N4BP2: variants seen among roughly 807,000 people sequenced by gnomAD.
N4BP2 encodes the protein NEDD4-binding protein 2.
A neutral mutation model predicts 152.8 loss-of-function variants in N4BP2; 91 were observed. That is an observed-to-expected ratio of 0.60 (90% CI 0.50 to 0.71). The LOEUF is 0.71. Ranked by LOEUF, N4BP2 falls within the 30% of genes least tolerant of loss-of-function variation. N4BP2 has a pLI of 0.00. For synonymous variants in N4BP2, 646 were observed against 705.3 expected, an observed-to-expected ratio of 0.92 and a Z score of 1.33; for missense variants, 1,923 against 2,059.1, an observed-to-expected ratio of 0.93 and a Z score of 1.28.
intron 1 of N4BP2, among the ~76,000 whole-genome samples, chr4:40,071,685 G>A (rs1310523179): frequency 2.0e-5 from 3 of 151,944 alleles, no homozygotes; most frequent in Non-Finnish European, 2.9e-5. Flanking sequence ...TCCTGCCTCA[G>A]CCTCCCGAGT....
intron 2 of N4BP2, among the ~76,000 whole-genome samples, chr4:40,084,515 A>C (rs1022657318): frequency 1.3e-5 from 2 of 150,134 alleles, no homozygotes; most frequent in African/African-American, 2.5e-5. Flanking sequence ...AGCTCACTGC[A>C]ACCTCTGTCT....
Position 40,136,068 on chromosome 4 carries a change from G to A in N4BP2, c.4647-876G>A, listed in dbSNP as rs538692675. ...ATTCTACAGATAATATAGTATCACCGTCAAGATATGACTGAATAATGCAGG... is the reference window on the plus strand; with the variant it reads ...ATTCTACAGATAATATAGTATCACCATCAAGATATGACTGAATAATGCAGG... On this transcript the variant is annotated intron_variant, in intron 13 of 17. Coordinates refer to ENST00000261435, the MANE Select transcript of N4BP2 (RefSeq NM_018177.6). 9.2e-5 allele frequency among the ~76,000 whole-genome samples: 14 copies of A among 152,218 alleles called. No homozygotes were observed. In the South Asian group the frequency reaches 1.9e-3, roughly 20 times the overall value.
At chr4:40,108,872 G>A (rs139976418) in intron 5 of N4BP2, among the ~76,000 whole-genome samples, 484 of 150,188 alleles carry the variant, frequency 3.2e-3, no homozygotes, top group African/African-American at 0.011. Context: ...GCTGGAGTGC[G>A]GTGGCGTGAT....
intron 1 of N4BP2, among the ~76,000 whole-genome samples, chr4:40,072,030 C>G (rs1329555534): frequency 1.3e-5 from 2 of 151,898 alleles, no homozygotes; most frequent in Non-Finnish European, 2.9e-5. Flanking sequence ...GCGTCAGCCT[C>G]CTGAGTAAGC....
chr4:40,168,585 A>G, the N4BP2 span, among the ~76,000 whole-genome samples: 4 of 58,216 alleles, frequency 6.9e-5, no homozygotes, highest in East Asian at 0.013. Context: ...AATGAAATTT[A>G]TGGATTTTAC....
chr4:40,141,843 C>T (rs1219190174), intron 14 of N4BP2, among the ~76,000 whole-genome samples: 1 of 152,160 alleles, frequency 6.6e-6, no homozygotes, highest in Non-Finnish European at 1.5e-5. Flanking sequence ...CCCGGCACCT[C>T]GGGAGGCCGA....
At chr4:40,100,239 T>C (rs1004246582) in intron 3 of N4BP2, 1 of 335,670 alleles carries the variant, frequency 3.0e-6, no homozygotes, top group Non-Finnish European at 6.2e-6. Flanking sequence ...GTGTTCTGAC[T>C]CCAGACCAGA....
intron 2 of N4BP2, among the ~76,000 whole-genome samples, chr4:40,092,008 T>TATATATATATATA (rs1491368293): frequency 1.8e-4 from 5 of 27,206 alleles, no homozygotes; most frequent in Admixed American, 8.6e-4. Flanking sequence ...AAAAAAAAAA[T>TATATATATATATA]TATATATATA....
intron 13 of N4BP2, among the ~76,000 whole-genome samples, chr4:40,134,187 G>T (rs1320539022): frequency 6.6e-6 from 1 of 152,166 alleles, no homozygotes; most frequent in African/African-American, 2.4e-5. Flanking sequence ...ATCTTTAAAA[G>T]TAGTATTCCA....
chr4:40,188,297 A>G, the N4BP2 span, among the ~76,000 whole-genome samples: 2 of 146,748 alleles, frequency 1.4e-5, no homozygotes, highest in African/African-American at 5.1e-5. Flanking sequence ...GCAAAGGTAG[A>G]CTATGGAATC....
In N4BP2 at chr4:40,121,736, G is replaced by A; in HGVS notation, c.3625G>A (p.Val1209Ile). 1 of 1,614,036 alleles carries A rather than the reference G, an allele frequency of 6.2e-7. No homozygotes were observed. Among genetic ancestry groups the A allele is most frequent in the Non-Finnish European group, 8.5e-7 (1 of 1,179,990 alleles). Residue 1209 changes from valine to isoleucine, a missense_variant, in exon 9 of 18, where the codon GTC becomes ATC. Physicochemically the swap from Val to Ile is conservative, Grantham distance 29. Coordinates refer to ENST00000261435, the MANE Select transcript of N4BP2 (RefSeq NM_018177.6). ...CTCAGAGCAGGCGGAAATGAGAGCT[G>A]TCACTCCTGAAAACCATGAATCGAT... ...GNSEQAEMRA[V>I]TPENHESMTS...
At chr4:40,144,189 G>A (rs889817570) in intron 15 of N4BP2, among the ~76,000 whole-genome samples, 2 of 152,174 alleles carry the variant, frequency 1.3e-5, no homozygotes, top group Non-Finnish European at 2.9e-5. Context: ...CTGCCCACAT[G>A]GTTGGTGCCT....
intron 1 of N4BP2, among the ~76,000 whole-genome samples, chr4:40,058,059 C>T (rs1325663833): frequency 6.6e-6 from 1 of 152,126 alleles, no homozygotes; most frequent in Non-Finnish European, 1.5e-5. Flanking sequence ...GTAAAGGTGG[C>T]CATTGGTTGA....
chr4:40,086,080 G>C (rs910877290), intron 2 of N4BP2, among the ~76,000 whole-genome samples: 1 of 150,198 alleles, frequency 6.7e-6, no homozygotes, highest in African/African-American at 2.4e-5. Flanking sequence ...CGATCCTCCT[G>C]CCTCAGCTCC....
chr4:40,095,826 G>A (rs1201178423), intron 2 of N4BP2, among the ~76,000 whole-genome samples: 1 of 152,096 alleles, frequency 6.6e-6, no homozygotes, highest in East Asian at 1.9e-4. Context: ...AGAGAGATAC[G>A]TCATTGTAAG....
chr4:40,177,680 G>A, the N4BP2 span, among the ~76,000 whole-genome samples: 3 of 152,222 alleles, frequency 2.0e-5, no homozygotes, highest in Non-Finnish European at 4.4e-5. Context: ...CACAGACTCC[G>A]TGTGAGGATA....
At chr4:40,103,833 G>T (rs929398059) in intron 4 of N4BP2, among the ~76,000 whole-genome samples, 3 of 152,204 alleles carry the variant, frequency 2.0e-5, no homozygotes, top group Non-Finnish European at 4.4e-5. Context: ...ACAGGAGTCA[G>T]TGTTAGAGGC....
intron 12 of N4BP2, among the ~76,000 whole-genome samples, chr4:40,128,763 A>G (rs1718648295): frequency 6.6e-6 from 1 of 151,958 alleles, no homozygotes; most frequent in African/African-American, 2.4e-5. Context: ...CCTGACCTCA[A>G]GTGATTCGGC....
chr4:40,120,457 T>C lies in N4BP2; in HGVS notation c.2346T>C (p.His782=), dbSNP rs200232013. 6.2e-7 allele frequency: 1 copy of C among 1,613,838 alleles called. No individual in the cohort carries two copies. Residue 782 remains histidine (H), a synonymous_variant, in exon 9 of 18, where the codon CAT becomes CAC. Coordinates refer to ENST00000261435, the MANE Select transcript of N4BP2 (RefSeq NM_018177.6). ...SKSTLEKFPR[H]ELSNFVGDWP... is the part of the protein sequence containing the mutation. ...CGACTTTGGAAAAGTTCCCAAGACATGAGCTATCAAATTTTGTTGGTGACT... is the reference window on the plus strand; with the variant it reads ...CGACTTTGGAAAAGTTCCCAAGACACGAGCTATCAAATTTTGTTGGTGACT...
Sources: allele counts gnomAD v4.1 joint callset (sites outside exome capture counted in the v4.1 genomes callset), GRCh38; gene constraint gnomAD v4.1.1; transcripts MANE v1.5; gene names NCBI Gene and HGNC (gene_info 2026-07-23, HGNC 2026-07-21).